The following MKLN1 variants were observed in gnomAD, a reference collection of about 807,000 sequenced individuals.
The protein encoded by MKLN1 is muskelin.
Under a neutral mutation model 99.0 loss-of-function variants are expected in MKLN1, and 18 were observed. The ratio of observed to expected loss-of-function variants is 0.18; its 90% CI spans 0.13 to 0.27. The LOEUF (loss-of-function observed/expected upper bound fraction) is 0.27, where lower values mean the gene tolerates loss of function less well. Ranked by LOEUF, MKLN1 falls within the 10% of genes least tolerant of loss-of-function variation. MKLN1 has a pLI of 1.00. For missense variants in MKLN1, 621 were observed against 875.9 expected (o/e 0.71, Z 3.67); for synonymous variants, 288 against 293.2 (o/e 0.98, Z 0.18).
At chr7:131,287,781 C>A (rs2116592605) in intron 3 of MKLN1, among the ~76,000 whole-genome samples, 1 of 149,962 alleles carries the variant, frequency 6.7e-6, no homozygotes, top group East Asian at 1.9e-4. Context: ...TAGGGAAAGA[C>A]CAGTGGGAGG....
At chr7:131,434,732 T>A (rs1795627985) in intron 9 of MKLN1, among the ~76,000 whole-genome samples, 1 of 152,152 alleles carries the variant, frequency 6.6e-6, no homozygotes, top group Non-Finnish European at 1.5e-5. Flanking sequence ...TTTTAAATTA[T>A]GTGTAGAGAT....
intron 7 of MKLN1, among the ~76,000 whole-genome samples, chr7:131,414,407 A>G (rs1011128879): frequency 6.6e-6 from 1 of 152,146 alleles, no homozygotes; most frequent in Admixed American, 6.5e-5. Context: ...ATCATAAATA[A>G]ATCAAAAATA....
At chr7:131,130,849 C>T (rs1795538710) in intron 1 of MKLN1, among the ~76,000 whole-genome samples, 1 of 151,838 alleles carries the variant, frequency 6.6e-6, no homozygotes, top group African/African-American at 2.4e-5. Context: ...TCCAGGAGTC[C>T]TAAGACCAGC....
At chr7:131,156,017 C>G (rs759745132) in intron 2 of MKLN1, among the ~76,000 whole-genome samples, 1 of 152,062 alleles carries the variant, frequency 6.6e-6, no homozygotes, top group Non-Finnish European at 1.5e-5. Flanking sequence ...GGTAAAAGAG[C>G]ACCTTTGTTA....
chr7:131,132,851 G>A (rs1343034383), intron 1 of MKLN1, among the ~76,000 whole-genome samples: 1 of 145,276 alleles, frequency 6.9e-6, no homozygotes, highest in Non-Finnish European at 1.5e-5. Flanking sequence ...GCTTAAACCT[G>A]GGAGGCGGAG....
intron 1 of MKLN1, among the ~76,000 whole-genome samples, chr7:131,335,704 T>G (rs535287731): frequency 4.3e-4 from 66 of 152,012 alleles, no homozygotes; most frequent in African/African-American, 1.5e-3. Flanking sequence ...GGTTTTTTTT[T>G]TTTTTTAACA....
intron 3 of MKLN1, among the ~76,000 whole-genome samples, chr7:131,249,948 G>C (rs552229813): frequency 6.6e-6 from 1 of 152,172 alleles, no homozygotes; most frequent in Non-Finnish European, 1.5e-5. Flanking sequence ...GGGAAGGAGA[G>C]GGGCAGGTCT....
intron 3 of MKLN1, among the ~76,000 whole-genome samples, chr7:131,224,273 C>T (rs575220066): frequency 9.2e-4 from 140 of 151,734 alleles, no homozygotes; most frequent in Non-Finnish European, 8.6e-4. Flanking sequence ...GGGCTGGGTG[C>T]GGTAGCTCAC....
intron 16 of MKLN1, among the ~76,000 whole-genome samples, chr7:131,477,914 T>G (rs563788209): frequency 6.6e-6 from 1 of 152,350 alleles, no homozygotes; most frequent in African/African-American, 2.4e-5. Flanking sequence ...ATACAAATAG[T>G]TCTCCAGATT....
chr7:131,298,386 G>A (rs1203077341), intron 3 of MKLN1, among the ~76,000 whole-genome samples: 3 of 152,134 alleles, frequency 2.0e-5, no homozygotes, highest in Admixed American at 6.6e-5. Flanking sequence ...TGCCTGGCTG[G>A]TCCTCTTTAA....
rs963219500 is a variant in MKLN1 at position 131,429,772 on chromosome 7, G to T, written c.960+627G>T. ...TTTTTTTTGTATTTTAGTAGAGACG[G>T]GGTTTCACCATGTTAACCAGGATGG... On this transcript the variant is annotated intron_variant, in intron 9 of 17. Transcript: ENST00000352689. Among the ~76,000 whole-genome samples, 4 of 152,218 alleles carry T rather than the reference G, an allele frequency of 2.6e-5. No homozygotes were observed. The South Asian group carries it at 8.3e-4, about 32-fold the overall frequency.
At chr7:131,281,172 T>C (rs904424714) in intron 3 of MKLN1, among the ~76,000 whole-genome samples, 6 of 152,212 alleles carry the variant, frequency 3.9e-5, no homozygotes, top group African/African-American at 7.2e-5. Context: ...ATAGTTTTAA[T>C]TCATGCATTT....
intron 1 of MKLN1, among the ~76,000 whole-genome samples, chr7:131,111,564 A>G (rs1795200237): frequency 6.6e-6 from 1 of 152,160 alleles, no homozygotes; most frequent in African/African-American, 2.4e-5. Flanking sequence ...AAAATATTCC[A>G]ATTAAATTGT....
At chr7:131,423,145 G>A (rs1051952239) in intron 8 of MKLN1, among the ~76,000 whole-genome samples, 4 of 152,050 alleles carry the variant, frequency 2.6e-5, no homozygotes, top group East Asian at 3.9e-4. Context: ...GAGAACCTAC[G>A]ATTTAAGCCT....
chr7:131,144,484 A>T (rs1331572617), intron 2 of MKLN1, among the ~76,000 whole-genome samples: 1 of 148,154 alleles, frequency 6.7e-6, no homozygotes, highest in African/African-American at 2.5e-5. Context: ...TGTGTCTCAA[A>T]AAAAAAAAAA....
intron 1 of MKLN1, among the ~76,000 whole-genome samples, chr7:131,128,105 C>T (rs1179492922): frequency 6.6e-6 from 1 of 151,568 alleles, no homozygotes; most frequent in Admixed American, 6.6e-5. Context: ...GGAAATTGTT[C>T]CAACCATATA....
At chr7:131,370,906 C>G (rs778075517) in intron 1 of MKLN1, among the ~76,000 whole-genome samples, 1 of 152,110 alleles carries the variant, frequency 6.6e-6, no homozygotes, top group Non-Finnish European at 1.5e-5. Flanking sequence ...AGGAGAGTTA[C>G]TTAGTTGGCT....
chr7:131,486,165 A>G (rs756641357), intron 17 of MKLN1, among the ~76,000 whole-genome samples: 2 of 151,890 alleles, frequency 1.3e-5, no homozygotes, highest in African/African-American at 2.4e-5. Flanking sequence ...AGTGAAGGCT[A>G]TATGGGGTGT....
At chr7:131,123,070 G>A (rs557040098) in intron 1 of MKLN1, among the ~76,000 whole-genome samples, 1 of 145,340 alleles carries the variant, frequency 6.9e-6, no homozygotes, top group South Asian at 2.2e-4. Flanking sequence ...TATCAGGGCC[G>A]CTGTACAGAA....
Sources: gnomAD v4.1 joint callset for allele counts (sites outside exome capture counted in the v4.1 genomes callset) on GRCh38, gnomAD v4.1.1 for gene constraint, MANE v1.5 for transcripts, NCBI Gene and HGNC (gene_info 2026-07-23, HGNC 2026-07-21) for gene names.